The following FGF7 variants were observed in gnomAD, a reference collection of about 807,000 sequenced individuals.
The protein encoded by FGF7 is fibroblast growth factor 7, also known as FGF-7.
FGF7 carries 6 observed loss-of-function variants against 20.5 expected under a neutral mutation model. The observed-to-expected ratio is 0.29, with a 90% CI of 0.16 to 0.58. The LOEUF (loss-of-function observed/expected upper bound fraction) is 0.58, where lower values mean the gene tolerates loss of function less well. Ranked by LOEUF, FGF7 falls within the 20% of genes least tolerant of loss-of-function variation. The probability of loss-of-function intolerance (pLI) is 0.90; values close to 1 mark genes in which losing one functional copy is unlikely to be tolerated. For synonymous variants in FGF7, 64 were observed against 74.7 expected (o/e 0.86, Z 0.74); for missense variants, 144 against 228.8 (o/e 0.63, Z 2.39).
intron 2 of FGF7, among the ~76,000 whole-genome samples, chr15:49,446,041 A>C (rs1330024624): frequency 6.6e-6 from 1 of 151,544 alleles, no homozygotes; most frequent in Non-Finnish European, 1.5e-5. Context: ...TTTCTTGTAC[A>C]TTAAAACTAT....
intron 2 of FGF7, among the ~76,000 whole-genome samples, chr15:49,466,806 T>C (rs2054306039): frequency 6.6e-6 from 1 of 152,188 alleles, no homozygotes; most frequent in South Asian, 2.1e-4. Context: ...AATTTTTTAA[T>C]TATCTTTTTA....
intron 2 of FGF7, among the ~76,000 whole-genome samples, chr15:49,427,680 G>C (rs923452148): frequency 5.3e-5 from 8 of 151,974 alleles, no homozygotes; most frequent in Admixed American, 5.3e-4. Flanking sequence ...ATAGGCTTCA[G>C]AGGACTACTC....
At chr15:49,436,771 A>G (rs1385346187) in intron 2 of FGF7, among the ~76,000 whole-genome samples, 1 of 151,594 alleles carries the variant, frequency 6.6e-6, no homozygotes, top group African/African-American at 2.4e-5. Context: ...CAGCTTTAGT[A>G]TCATCACATG....
At chr15:49,465,121 CTTAATT>C (rs2054144239) in intron 2 of FGF7, among the ~76,000 whole-genome samples, 1 of 151,684 alleles carries the variant, frequency 6.6e-6, no homozygotes, top group Non-Finnish European at 1.5e-5. Flanking sequence ...GAATGTCCTT[CTTAATT>C]TTATTTTTAT....
At chr15:49,464,103 C>G (rs2054054828) in intron 2 of FGF7, among the ~76,000 whole-genome samples, 1 of 152,050 alleles carries the variant, frequency 6.6e-6, no homozygotes, top group Non-Finnish European at 1.5e-5. Flanking sequence ...CATTGGCTAA[C>G]TACTGTGATA....
chr15:49,427,393 T>C (rs1479909150), intron 2 of FGF7, among the ~76,000 whole-genome samples: 1 of 152,040 alleles, frequency 6.6e-6, no homozygotes, highest in African/African-American at 2.4e-5. Context: ...TCTACTAGAA[T>C]GAAATGCAGC....
At chr15:49,426,612 A>G (rs1244501585) in intron 2 of FGF7, among the ~76,000 whole-genome samples, 1 of 151,980 alleles carries the variant, frequency 6.6e-6, no homozygotes, top group African/African-American at 2.4e-5. Flanking sequence ...ACACATGCAT[A>G]AAATGCTAAA....
At chr15:49,469,245 T>A (rs2054526573) in intron 2 of FGF7, among the ~76,000 whole-genome samples, 1 of 152,212 alleles carries the variant, frequency 6.6e-6, no homozygotes, top group African/African-American at 2.4e-5. Context: ...AAACATATTT[T>A]CTTTTAGAGA....
intron 2 of FGF7, among the ~76,000 whole-genome samples, chr15:49,456,941 A>G (rs1453725550): frequency 6.6e-6 from 1 of 152,122 alleles, no homozygotes; most frequent in Non-Finnish European, 1.5e-5. Context: ...AGATACCTTC[A>G]TATTATAGAG....
At chr15:49,446,460 G>A (rs901244072) in intron 2 of FGF7, among the ~76,000 whole-genome samples, 4 of 151,566 alleles carry the variant, frequency 2.6e-5, no homozygotes, top group African/African-American at 9.7e-5. Flanking sequence ...ATGAACAAAG[G>A]AGTGATAAGG....
chr15:49,442,326 G>T (rs933431118), intron 2 of FGF7, among the ~76,000 whole-genome samples: 1 of 151,556 alleles, frequency 6.6e-6, no homozygotes, highest in African/African-American at 2.4e-5. Flanking sequence ...TCAGGGCCCA[G>T]ATTAAGTCTC....
At chr15:49,430,068 T>G (rs2050459655) in intron 2 of FGF7, among the ~76,000 whole-genome samples, 1 of 151,896 alleles carries the variant, frequency 6.6e-6, no homozygotes, top group African/African-American at 2.4e-5. Context: ...AATCTCTGAA[T>G]TATGCACCAA....
intron 2 of FGF7, among the ~76,000 whole-genome samples, chr15:49,450,916 A>G (rs1567299976): frequency 6.6e-6 from 1 of 152,174 alleles, no homozygotes. Flanking sequence ...AACTAGAGAT[A>G]TAGTTAGTAT....
intron 2 of FGF7, among the ~76,000 whole-genome samples, chr15:49,468,103 T>A (rs538852467): frequency 3.8e-4 from 58 of 152,332 alleles, no homozygotes; most frequent in Non-Finnish European, 1.8e-4. Flanking sequence ...CTAAAGATTT[T>A]CTAATGTTTT....
chr15:49,477,866 C>T (rs1177469658), intron 2 of FGF7, among the ~76,000 whole-genome samples: 9 of 152,122 alleles, frequency 5.9e-5, no homozygotes, highest in African/African-American at 9.7e-5. Context: ...AGTTTAGTCA[C>T]GCTAATAGTT....
chr15:49,461,888 T>C (rs2053829743), intron 2 of FGF7, among the ~76,000 whole-genome samples: 2 of 152,178 alleles, frequency 1.3e-5, no homozygotes, highest in African/African-American at 4.8e-5. Context: ...TTAAGACTGA[T>C]TATTGCCCAG....
chr15:49,475,848 C>T (rs928816824), intron 2 of FGF7, among the ~76,000 whole-genome samples: 2 of 152,034 alleles, frequency 1.3e-5, no homozygotes, highest in East Asian at 1.9e-4. Flanking sequence ...ATTAGGCGGT[C>T]GTGGTGGCGC....
chr15:49,431,028 T>G (rs968428879), intron 2 of FGF7, among the ~76,000 whole-genome samples: 7 of 151,816 alleles, frequency 4.6e-5, no homozygotes, highest in African/African-American at 1.7e-4. Flanking sequence ...ATCACACAAT[T>G]TTTGGTAGCA....
At chr15:49,453,769 C>G (rs537174314) in intron 2 of FGF7, among the ~76,000 whole-genome samples, 1 of 152,238 alleles carries the variant, frequency 6.6e-6, no homozygotes, top group Non-Finnish European at 1.5e-5. Flanking sequence ...CACTAGATAG[C>G]TCTCCTGATG....
Sources: allele counts gnomAD v4.1 joint callset (sites outside exome capture counted in the v4.1 genomes callset), GRCh38; gene constraint gnomAD v4.1.1; transcripts MANE v1.5; gene names NCBI Gene and HGNC (gene_info 2026-07-23, HGNC 2026-07-21).